Variants in YIF1B observed in about 807,000 individuals in gnomAD.
YIF1B encodes the protein protein YIF1B.
Under a neutral mutation model 34.6 loss-of-function variants are expected in YIF1B, and 24 were observed. That is an observed-to-expected ratio of 0.69 (90% confidence interval 0.50 to 0.98). The LOEUF is 0.98. Among genes scored for constraint, YIF1B ranks in the 50% least tolerant of loss-of-function variants. The probability of loss-of-function intolerance (pLI) is 0.00; values close to 1 mark genes in which losing one functional copy is unlikely to be tolerated. For synonymous variants in YIF1B, 186 were observed against 184.8 expected (o/e 1.01, Z -0.05); for missense variants, 368 against 429.4 (o/e 0.86, Z 1.26).
At chr19:38,306,238 G>A (rs1379986002) in intron 7 of YIF1B, among the ~76,000 whole-genome samples, 2 of 147,906 alleles carry the variant, frequency 1.4e-5, no homozygotes, top group East Asian at 4.0e-4. Flanking sequence ...AAAAGTCAGG[G>A]TCTCACCCTG....
intron 5 of YIF1B, among the ~76,000 whole-genome samples, chr19:38,308,077 C>T (rs1170900105): frequency 1.3e-5 from 2 of 152,218 alleles, no homozygotes; most frequent in East Asian, 3.9e-4. Flanking sequence ...AGCCCTTGGC[C>T]TCTGCCACAT....
upstream of YIF1B, chr19:38,317,155 C>G (rs912847835): frequency 6.6e-6 from 1 of 152,386 alleles, no homozygotes; most frequent in Non-Finnish European, 1.5e-5. Context: ...GGCGCACCTG[C>G]AAGTGAAGAG....
At position 38,305,481 on chromosome 19, in the gene YIF1B, C is replaced by CA. The variant is rs1159342709; in HGVS notation, c.815dup (p.Leu272PhefsTer7). 2.5e-6 allele frequency: 4 copies of CA among 1,606,330 alleles called. No individual in the cohort carries two copies. The highest frequency in any genetic ancestry group is 3.4e-6 in the Non-Finnish European group (4 of 1,174,944). ...GGACCCCCTCAGCTGCTGCGTCTGC[C>CA]AAGATCTTCAGCCGCAGCGTCCGGA... On this transcript the variant is annotated frameshift_variant, in exon 8 of 8. Transcript: ENST00000339413. LOFTEE classifies it high-confidence loss of function.
At chr19:38,321,499 G>A (rs1969651509), upstream of YIF1B, among the ~76,000 whole-genome samples, 1 of 152,232 alleles carries the variant, frequency 6.6e-6, no homozygotes, top group African/African-American at 2.4e-5. Flanking sequence ...CACCGTGGAG[G>A]GACCCCGAGT....
chr19:38,320,681 G>C (rs1969641738), upstream of YIF1B, among the ~76,000 whole-genome samples: 1 of 151,888 alleles, frequency 6.6e-6, no homozygotes, highest in Non-Finnish European at 1.5e-5. Flanking sequence ...GCTTCAGCCT[G>C]CCGAGTAGCT....
At chr19:38,321,055 C>A (rs1270663570), upstream of YIF1B, among the ~76,000 whole-genome samples, 1 of 152,156 alleles carries the variant, frequency 6.6e-6, no homozygotes, top group Non-Finnish European at 1.5e-5. Flanking sequence ...CCACCCTTGC[C>A]ATGTCTCCTG....
chr19:38,319,907 C>A (rs914002336), upstream of YIF1B: 192 of 1,371,538 alleles, frequency 1.4e-4, no homozygotes, highest in Middle Eastern at 2.4e-3. Context: ...GCGGGGGCCA[C>A]GTCAGCGGGG....
Position 38,309,616 on chromosome 19 carries a change from T to C in YIF1B, c.86A>G (p.Gln29Arg), listed in dbSNP as rs1969227781. 6.2e-7 allele frequency: 1 copy of C among 1,600,412 alleles called. No homozygotes were observed. The highest frequency in any genetic ancestry group is 1.1e-5 in the South Asian group (1 of 88,846). ...WPSKRRIPVS[Q>R]PGMADPHQLF... ...CTGGTGGGGGTCGGCCATGCCCGGC[T>C]GGGACACAGGGATCCTCCGCTTCGA... The change falls in exon 2 of 8, where the codon CAG becomes CGG. Residue 29 changes from glutamine to arginine, a missense_variant. Physicochemically the swap from Gln to Arg is conservative, Grantham distance 43. Around this residue, in one of 3 missense-constraint regions of YIF1B, gnomAD observed 153 missense variants for 156.7 expected, o/e 0.98. Transcript: ENST00000339413.
Position 38,309,626 on chromosome 19 carries a change from G to A in YIF1B, c.76C>T (p.Pro26Ser). Residue 26 changes from proline to serine, a missense_variant, in exon 2 of 8, where the codon CCT (proline) becomes TCT (serine). By Grantham distance (74) the Pro-to-Ser change is moderately conservative (BLOSUM62 -1). Coordinates refer to ENST00000339413, the MANE Select transcript of YIF1B (RefSeq NM_001039672.3). ...TCGGCCATGCCCGGCTGGGACACAGGGATCCTCCGCTTCGAGGCTGCAAGG... is the reference window on the plus strand; with the variant it reads ...TCGGCCATGCCCGGCTGGGACACAGAGATCCTCCGCTTCGAGGCTGCAAGG... Reference protein sequence around the residue: ...LRKWPSKRRIPVSQPGMADPH... With the variant: ...LRKWPSKRRISVSQPGMADPH... 1 of 1,600,364 alleles carries A rather than the reference G, an allele frequency of 6.2e-7. No individual in the cohort carries two copies. Among genetic ancestry groups the A allele is most frequent in the Non-Finnish European group, 8.5e-7 (1 of 1,174,474 alleles).
chr19:38,316,824 C>G (rs924675269), upstream of YIF1B, among the ~76,000 whole-genome samples: 1 of 152,156 alleles, frequency 6.6e-6, no homozygotes, highest in Non-Finnish European at 1.5e-5. Context: ...CCATGCCCAG[C>G]TAATTTTTAA....
intron 1 of YIF1B, among the ~76,000 whole-genome samples, chr19:38,313,745 G>A (rs763369463): frequency 5.9e-5 from 9 of 152,216 alleles, no homozygotes; most frequent in South Asian, 2.1e-4. Context: ...TTCAGGCCCC[G>A]ACTCTGCCAA....
chr19:38,320,513 T>C (rs11878707), upstream of YIF1B, among the ~76,000 whole-genome samples: 8,369 of 151,352 alleles, frequency 0.055, 257 homozygotes, highest in East Asian at 0.089. Context: ...CAGAGTACCT[T>C]TGCAGAGACC....
chr19:38,319,838 A>C, upstream of YIF1B: 1 of 1,065,716 alleles, frequency 9.4e-7, no homozygotes. Context: ...CTCTTGGGGC[A>C]TCTGCTGCCG....
At chr19:38,313,529 G>A (rs1969410577) in intron 1 of YIF1B, among the ~76,000 whole-genome samples, 1 of 152,200 alleles carries the variant, frequency 6.6e-6, no homozygotes, top group East Asian at 1.9e-4. Flanking sequence ...AAAGTGCTGG[G>A]ATTACAGGCG....
Position 38,304,307 on chromosome 19 carries a change from T to G in YIF1B, c.*1045A>C. The G allele has an allele frequency of 1.2e-6, 2 of 1,613,598 alleles. No homozygotes were observed. Among genetic ancestry groups the G allele is most frequent in the Non-Finnish European group, 1.7e-6 (2 of 1,179,976 alleles). ...AGGTGAGCTCCTGGGGAGTGTGGAC[T>G]GGAGGTGCAGGGGGCCGGACTCAAG... is the stretch of plus-strand genomic sequence containing the variant. On this transcript the variant is annotated 3_prime_UTR_variant, in exon 8 of 8. Transcript: ENST00000339413.
intron 1 of YIF1B, among the ~76,000 whole-genome samples, chr19:38,312,402 A>C (rs1413817476): frequency 6.6e-6 from 1 of 151,990 alleles, no homozygotes; most frequent in Non-Finnish European, 1.5e-5. Flanking sequence ...GCGACACAGC[A>C]AGGCCCTCTT....
At chr19:38,315,667 T>C (rs371655241) in intron 1 of YIF1B, 193 bp downstream of exon 1, 36 of 1,589,582 alleles carry the variant, frequency 2.3e-5, no homozygotes, top group South Asian at 1.5e-4. Context: ...CCCAAGTTGT[T>C]TTCTTCTAAA....
rs1452963430 is a variant in YIF1B, at chr19:38,307,771, G to A, written c.540-19C>T. 46 of 1,610,430 alleles carry A rather than the reference G, an allele frequency of 2.9e-5. No homozygotes were observed. The highest frequency in any genetic ancestry group is 3.3e-5 in the Non-Finnish European group (39 of 1,178,988). On this transcript the variant is annotated intron_variant, in intron 5 of 7. Coordinates refer to ENST00000339413, the MANE Select transcript of YIF1B (RefSeq NM_001039672.3). ...GGAGAACCTGCAGGCACAAAGCCCC[G>A]CCACTTGGTTGGCTGGTTCAGACCC...
chr19:38,309,553 T>C lies in YIF1B; in HGVS notation c.149A>G (p.Tyr50Cys). Reference protein sequence around the residue: ...DDTSSAQSRGYGAQRAPGGLS... With the variant: ...DDTSSAQSRGCGAQRAPGGLS... ...GCCACCAGGTGCCCGCTGGGCCCCA[T>C]AGCCCCGGCTCTGGGCTGAACTTGT... Residue 50 changes from tyrosine to cysteine, a missense_variant, in exon 2 of 8, where the codon TAT becomes TGT. Tyr to Cys is a radical substitution (Grantham distance 194). Transcript: ENST00000339413. The C allele has an allele frequency of 6.2e-7, 1 of 1,601,642 alleles. No homozygotes were observed. The highest frequency in any genetic ancestry group is 8.5e-7 in the Non-Finnish European group (1 of 1,174,580).
Sources: gnomAD v4.1 joint callset for allele counts (sites outside exome capture counted in the v4.1 genomes callset) on GRCh38, gnomAD v4.1.1 for gene constraint, gnomAD v4.1.1 regional missense constraint, MANE v1.5 for transcripts, NCBI Gene and HGNC (gene_info 2026-07-23, HGNC 2026-07-21) for gene names.